ASTN2: variants seen among roughly 807,000 people sequenced by gnomAD.
ASTN2 encodes astrotactin-2.
Under a neutral mutation model 139.8 loss-of-function variants are expected in ASTN2, and 54 were observed. The ratio of observed to expected loss-of-function variants is 0.39; its 90% CI spans 0.31 to 0.48. The LOEUF (loss-of-function observed/expected upper bound fraction) is 0.48, where lower values mean the gene tolerates loss of function less well. Ranked by LOEUF, ASTN2 falls within the 20% of genes least tolerant of loss-of-function variation. ASTN2 has a pLI of 0.95. For synonymous variants in ASTN2, 756 were observed against 719.5 expected (o/e 1.05, Z -0.81); for missense variants, 1,565 against 1,725.1 (o/e 0.91, Z 1.64).
chr9:117,072,229 C>G (rs1347573024), intron 5 of ASTN2, among the ~76,000 whole-genome samples: 4 of 151,848 alleles, frequency 2.6e-5, no homozygotes, highest in South Asian at 2.1e-4. Context: ...AAGAATGAAG[C>G]CTCTTTGGAA....
intron 3 of ASTN2, among the ~76,000 whole-genome samples, chr9:117,148,112 C>T (rs897284997): frequency 2.0e-5 from 3 of 152,180 alleles, no homozygotes; most frequent in African/African-American, 7.2e-5. Flanking sequence ...CCATGTCTCA[C>T]TGCAGAACTG....
At chr9:116,981,323 G>A (rs1836508145) in intron 7 of ASTN2, among the ~76,000 whole-genome samples, 1 of 152,152 alleles carries the variant, frequency 6.6e-6, no homozygotes, top group Admixed American at 6.5e-5. Context: ...CATGAATTTA[G>A]GCTGAGTTCA....
chr9:116,903,793 C>T (rs754860610), intron 10 of ASTN2, among the ~76,000 whole-genome samples: 1 of 152,134 alleles, frequency 6.6e-6, no homozygotes, highest in Non-Finnish European at 1.5e-5. Context: ...AGGCCTGAGG[C>T]CCAAAGGAAA....
intron 6 of ASTN2, among the ~76,000 whole-genome samples, chr9:117,035,745 G>A (rs117317441): frequency 5.9e-5 from 9 of 152,256 alleles, no homozygotes; most frequent in East Asian, 5.8e-4. Flanking sequence ...TTACCAGACA[G>A]CCATCCACCT....
intron 3 of ASTN2, among the ~76,000 whole-genome samples, chr9:117,212,204 T>G (rs1397906066): frequency 6.6e-6 from 1 of 152,188 alleles, no homozygotes; most frequent in Non-Finnish European, 1.5e-5. Context: ...AAACTGAATA[T>G]GCATATGCAG....
At chr9:116,629,044 T>C (rs573835764) in intron 17 of ASTN2, among the ~76,000 whole-genome samples, 2 of 151,994 alleles carry the variant, frequency 1.3e-5, no homozygotes, top group African/African-American at 4.8e-5. Flanking sequence ...CTAGGGCATC[T>C]CCCTGTTAGT....
chr9:117,081,112 T>C (rs1828416500), intron 5 of ASTN2, among the ~76,000 whole-genome samples: 1 of 152,188 alleles, frequency 6.6e-6, no homozygotes, highest in Non-Finnish European at 1.5e-5. Context: ...CCTTCGCCAG[T>C]GAAACACAGA....
intron 3 of ASTN2, among the ~76,000 whole-genome samples, chr9:117,150,363 G>A (rs1830299897): frequency 6.6e-6 from 1 of 152,162 alleles, no homozygotes; most frequent in South Asian, 2.1e-4. Flanking sequence ...CCACGTTACA[G>A]AGACCAGAAA....
rs1004972068 is a variant in ASTN2 at position 117,406,160 on chromosome 9, T to C, written c.442+8337A>G. On this transcript the variant is annotated intron_variant, in intron 1 of 22. Coordinates refer to ENST00000313400, the MANE Select transcript of ASTN2 (RefSeq NM_001365068.1). ...ACCACAGCCCCAGAGATGAAGGAGG[T>C]ACATTAGCTGCTCACAGGGTACATA... Among the ~76,000 whole-genome samples the C allele has an allele frequency of 5.9e-5, 9 of 151,942 alleles. No homozygotes were observed. The East Asian group carries it at 1.5e-3, about 26-fold the overall frequency.
intron 2 of ASTN2, among the ~76,000 whole-genome samples, chr9:117,286,606 G>A (rs887162411): frequency 6.6e-6 from 1 of 152,174 alleles, no homozygotes; most frequent in Non-Finnish European, 1.5e-5. Flanking sequence ...GCCCATAATA[G>A]CTTGTTCTGA....
chr9:116,428,342 A>G (rs1487136386), intron 22 of ASTN2, among the ~76,000 whole-genome samples: 1 of 152,096 alleles, frequency 6.6e-6, no homozygotes, highest in Non-Finnish European at 1.5e-5. Context: ...TGGCCAACAT[A>G]CTGAAACCCT....
chr9:116,531,952 C>G (rs577330197), intron 19 of ASTN2, among the ~76,000 whole-genome samples: 128 of 152,322 alleles, frequency 8.4e-4, no homozygotes, highest in Non-Finnish European at 1.6e-3. Context: ...CTGTCTTCCA[C>G]AATGGTTCAA....
At chr9:116,477,421 C>G (rs1281476380) in intron 20 of ASTN2, among the ~76,000 whole-genome samples, 1 of 152,016 alleles carries the variant, frequency 6.6e-6, no homozygotes, top group Non-Finnish European at 1.5e-5. Flanking sequence ...AAGGGAAGTT[C>G]ACATTCCACT....
At chr9:116,647,058 C>A (rs1438304520) in intron 17 of ASTN2, among the ~76,000 whole-genome samples, 3 of 152,178 alleles carry the variant, frequency 2.0e-5, no homozygotes, top group Non-Finnish European at 4.4e-5. Flanking sequence ...AAACCTCAGT[C>A]TTCCATATTC....
chr9:117,214,977 A>G (rs1832265928), intron 2 of ASTN2, among the ~76,000 whole-genome samples: 1 of 152,146 alleles, frequency 6.6e-6, no homozygotes, highest in South Asian at 2.1e-4. Context: ...CTTGCTTTCC[A>G]TAGTTATAAA....
At chr9:116,741,548 G>T (rs1218237335) in intron 13 of ASTN2, among the ~76,000 whole-genome samples, 2 of 152,170 alleles carry the variant, frequency 1.3e-5, no homozygotes, top group African/African-American at 4.8e-5. Context: ...CTGAGATTTG[G>T]TGTCCTCTGA....
intron 2 of ASTN2, among the ~76,000 whole-genome samples, chr9:117,215,118 A>T (rs572522441): frequency 6.6e-6 from 1 of 152,224 alleles, no homozygotes; most frequent in African/African-American, 2.4e-5. Flanking sequence ...GGCTTCACAC[A>T]GGTGAATGTC....
At chr9:116,574,359 CTT>C (rs1375759670) in intron 19 of ASTN2, among the ~76,000 whole-genome samples, 1 of 152,154 alleles carries the variant, frequency 6.6e-6, no homozygotes, top group African/African-American at 2.4e-5. Flanking sequence ...ACAGGAATCA[CTT>C]TTTAAAAGAT....
intron 5 of ASTN2, among the ~76,000 whole-genome samples, chr9:117,055,252 C>G (rs530211764): frequency 6.6e-6 from 1 of 152,192 alleles, no homozygotes; most frequent in South Asian, 2.1e-4. Flanking sequence ...AAGTGCCAGA[C>G]ATTGTGTTGG....
Sources: allele counts gnomAD v4.1 joint callset (sites outside exome capture counted in the v4.1 genomes callset), GRCh38; gene constraint gnomAD v4.1.1; transcripts MANE v1.5; gene names NCBI Gene and HGNC (gene_info 2026-07-23, HGNC 2026-07-21).